Variants in CST3 observed in about 807,000 individuals in gnomAD.
The protein encoded by CST3 is cystatin C.
Under a neutral mutation model 9.0 loss-of-function variants are expected in CST3, and 14 were observed. The observed-to-expected ratio is 1.56, with a 90% CI of 1.03 to 2.44. The LOEUF is 2.44. Ranked by LOEUF, CST3 falls within the 30% of genes most tolerant of loss-of-function variation. The pLI is 0.00. For missense variants in CST3, 237 were observed against 204.3 expected, an observed-to-expected ratio of 1.16 and a Z score of -0.98; for synonymous variants, 96 against 90.2, an observed-to-expected ratio of 1.06 and a Z score of -0.37.
intron 1 of CST3, among the ~76,000 whole-genome samples, chr20:23,637,205 T>C (rs1356313858): frequency 6.6e-6 from 1 of 152,194 alleles, no homozygotes; most frequent in Non-Finnish European, 1.5e-5. Flanking sequence ...CAAAAGTGCT[T>C]AAAAATTATT....
rs1181117681 is a variant in CST3 at position 23,633,917 on chromosome 20, T to A, written c.440A>T (p.Ter147LeuextTer68). Residue 147 changes from the stop codon to leucine (L), a stop_lost, in exon 3 of 3, where the codon TAG (stop) becomes TTG (leucine). Transcript: ENST00000376925. ...CACAGGCCAGCCCGGTACAGACCCC[T>A]AGGCGTCCTGACAGGTGGATTTCGA... ...TLSKSTCQDA[*>L] 8 of 1,613,794 alleles carry A rather than the reference T, an allele frequency of 5.0e-6. No individual in the cohort carries two copies. Among genetic ancestry groups the A allele is most frequent in the Non-Finnish European group, 6.8e-6 (8 of 1,179,710 alleles).
intron 1 of CST3, among the ~76,000 whole-genome samples, chr20:23,637,331 C>T (rs1162719228): frequency 6.6e-6 from 1 of 152,244 alleles, no homozygotes; most frequent in Non-Finnish European, 1.5e-5. Flanking sequence ...CTGTGTGGGA[C>T]GTCCTGTGCC....
chr20:23,629,682 G>A (rs1490524227), downstream of CST3, among the ~76,000 whole-genome samples: 1 of 151,896 alleles, frequency 6.6e-6, no homozygotes, highest in Non-Finnish European at 1.5e-5. Flanking sequence ...GTGGACAGAT[G>A]GGGAATGCCA....
Position 23,635,299 on chromosome 20 carries a change from G to A in CST3, c.312C>T (p.Pro104=). Residue 104 remains proline, a synonymous_variant, in exon 2 of 3, where the codon CCC becomes CCT. Coordinates refer to ENST00000376925, the MANE Select transcript of CST3 (RefSeq NM_000099.4). ...CATGGAAGGGGCAGTTGTCCAAGTT[G>A]GGCTGGGTCTTGGTACACGTGGTTC... ...LGRTTCTKTQ[P]NLDNCPFHDQ... 1.9e-6 allele frequency: 3 copies of A among 1,614,104 alleles called. No individual in the cohort carries two copies. The highest frequency in any genetic ancestry group is 2.7e-5 in the African/African-American group (2 of 74,996).
intron 1 of CST3, among the ~76,000 whole-genome samples, chr20:23,636,784 G>A (rs1019016688): frequency 1.3e-5 from 2 of 152,226 alleles, no homozygotes; most frequent in Non-Finnish European, 2.9e-5. Flanking sequence ...AAGAGGCCGA[G>A]GGGACAGGAC....
Position 23,633,686 on chromosome 20 carries a change from G to T in CST3, c.*230C>A. On this transcript the variant is annotated 3_prime_UTR_variant, in exon 3 of 3. Coordinates refer to ENST00000376925, the MANE Select transcript of CST3 (RefSeq NM_000099.4). ...ATGCTACTATTTTATTGCAGGAGGT[G>T]GGGGTGTATGCACCGCACACCGGGG... is the stretch of plus-strand genomic sequence containing the variant. 1 of 625,430 alleles carries T rather than the reference G, an allele frequency of 1.6e-6. No individual in the cohort carries two copies. The highest frequency in any genetic ancestry group is 1.8e-5 in the South Asian group (1 of 54,468). 38.7% of individuals were successfully genotyped at this position (625,430 alleles called of 1,614,324 possible). A position where few individuals can be genotyped will look rare whatever the true frequency, so the allele number is the denominator to read the frequency against.
chr20:23,635,148 G>T (rs6138022), intron 2 of CST3, 106 bp downstream of exon 2: 1 of 983,700 alleles, frequency 1.0e-6, no homozygotes, highest in Non-Finnish European at 1.6e-6. Context: ...CACACACTCA[G>T]GCACATGCAC....
At chr20:23,635,217 G>T in intron 2 of CST3, 37 bp downstream of exon 2, 1 of 1,532,982 alleles carries the variant, frequency 6.5e-7, no homozygotes, top group Non-Finnish European at 9.0e-7. Flanking sequence ...CCCCTCTGCA[G>T]TGTATGACTG....
intron 1 of CST3, among the ~76,000 whole-genome samples, chr20:23,636,846 C>T (rs938973733): frequency 3.3e-5 from 5 of 152,156 alleles, no homozygotes; most frequent in African/African-American, 1.2e-4. Flanking sequence ...GCACGAAGGC[C>T]GTCAACAGAC....
At chr20:23,629,708 AG>A (rs1470733799), downstream of CST3, among the ~76,000 whole-genome samples, 33 of 146,346 alleles carry the variant, frequency 2.3e-4, no homozygotes, top group Non-Finnish European at 7.5e-5. Context: ...AAGAGCAGGC[AG>A]GGGAACAATC....
rs1445461751 is a variant in CST3 at position 23,637,886 on chromosome 20, G to A, written c.-24C>T. On this transcript the variant is annotated 5_prime_UTR_variant, in exon 1 of 3. Coordinates refer to ENST00000376925, the MANE Select transcript of CST3 (RefSeq NM_000099.4). Reference sequence around the variant, plus strand: ...ATGGTCGGCTAGGACGCGGGACGCGGGGAGTGGGGCGCAGGCGAGAGGCTG... The same window carrying A: ...ATGGTCGGCTAGGACGCGGGACGCGAGGAGTGGGGCGCAGGCGAGAGGCTG... The A allele has an allele frequency of 5.1e-6, 7 of 1,385,358 alleles. No homozygotes were observed. In the African/African-American group the frequency reaches 7.6e-5, roughly 15 times the overall value. The allele number at this position is 1,385,358 out of a possible 1,614,324, so 85.8% of individuals were successfully genotyped here.
rs765692764 is a variant in CST3 at position 23,635,365 on chromosome 20, G to A, written c.246C>T (p.Ile82=). The change falls in exon 2 of 3, where the codon ATC becomes ATT. Residue 82 remains isoleucine, a splice_region_variant and synonymous_variant. Transcript: ENST00000376925. ...ALQVVRARKQ[I]VAGVNYFLDV... is the part of the protein sequence containing the mutation. Reference sequence around the variant, plus strand: ...CCAAGAAGTAGTTCACCCCAGCTACGATCTACACATGTGAAAGAGCAGGAG... The same window carrying A: ...CCAAGAAGTAGTTCACCCCAGCTACAATCTACACATGTGAAAGAGCAGGAG... 63 of 1,611,644 alleles carry A rather than the reference G, an allele frequency of 3.9e-5. 2 individuals carry two copies. In the East Asian group the frequency reaches 1.2e-3, roughly 30 times the overall value.
At chr20:23,631,742 G>T (rs1056363830), downstream of CST3, 1 of 152,154 alleles carries the variant, frequency 6.6e-6, no homozygotes, top group African/African-American at 2.4e-5. Context: ...CCACCCCAAT[G>T]GTCACCAGCA....
At chr20:23,635,459 T>G in intron 1 of CST3, 92 bp from the exon 2 acceptor site, 1 of 1,140,788 alleles carries the variant, frequency 8.8e-7, no homozygotes, top group Non-Finnish European at 1.3e-6. Context: ...TCACTGGGCT[T>G]GCCTGGGGCT....
Position 23,637,603 on chromosome 20 carries a change from CG to C in CST3, c.243+16del. ...GGCGGGGCCGGGGCTTCGGACCCTG[CG>C]GGGGGCGGCACGCACCTGCTTGCGG... On this transcript the variant is annotated intron_variant, in intron 1 of 2. Coordinates refer to ENST00000376925, the MANE Select transcript of CST3 (RefSeq NM_000099.4). The C allele has an allele frequency of 2.0e-6, 3 of 1,506,144 alleles. No individual in the cohort carries two copies. Among genetic ancestry groups the C allele is most frequent in the African/African-American group, 1.5e-5 (1 of 68,950 alleles). 93.3% of individuals were successfully genotyped at this position (1,506,144 alleles called of 1,614,324 possible). A position where few individuals can be genotyped will look rare whatever the true frequency, so the allele number is the denominator to read the frequency against.
chr20:23,633,697 C>T lies in CST3; in HGVS notation c.*219G>A, dbSNP rs969776083. The T allele has an allele frequency of 2.9e-5, 19 of 644,956 alleles. No individual in the cohort carries two copies. The highest frequency in any genetic ancestry group is 4.1e-4 in the Middle Eastern group (1 of 2,436). The allele number at this position is 644,956 out of a possible 1,614,324, so 40.0% of individuals were successfully genotyped here. On this transcript the variant is annotated 3_prime_UTR_variant, in exon 3 of 3. Coordinates refer to ENST00000376925, the MANE Select transcript of CST3 (RefSeq NM_000099.4). The stretch of plus-strand genomic sequence containing the variant: ...TTATTGCAGGAGGTGGGGGTGTATG[C>T]ACCGCACACCGGGGCTATGAGAAGC...
chr20:23,630,757 C>A, downstream of CST3, among the ~76,000 whole-genome samples: 1 of 149,268 alleles, frequency 6.7e-6, no homozygotes, highest in Non-Finnish European at 1.5e-5. Context: ...AAATAATAAA[C>A]CACCAAGGCA....
At chr20:23,629,737 G>T (rs537094789), downstream of CST3, among the ~76,000 whole-genome samples, 26 of 95,564 alleles carry the variant, frequency 2.7e-4, no homozygotes, top group Admixed American at 9.7e-4. Flanking sequence ...TGACTGGTGG[G>T]GGGGGGAGGG....
Position 23,633,977 on chromosome 20 carries a change from A to T in CST3, c.380T>A (p.Ile127Asn). 1 of 1,614,116 alleles carries T rather than the reference A, an allele frequency of 6.2e-7. No homozygotes were observed. Among genetic ancestry groups the T allele is most frequent in the Non-Finnish European group, 8.5e-7 (1 of 1,179,994 alleles). ...LKRKAFCSFQ[I>N]YAVPWQGTMT... ...TGTGCCCTGCCAAGGCACAGCGTAG[A>T]TCTGGAAAGAGCAGAATGCTTTCTG... The change falls in exon 3 of 3, where the codon ATC becomes AAC. Residue 127 changes from isoleucine (I) to asparagine (N), a missense_variant. By Grantham distance (149) the Ile-to-Asn change is moderately radical (BLOSUM62 -3). Transcript: ENST00000376925.
Sources: gnomAD v4.1 joint callset for allele counts (sites outside exome capture counted in the v4.1 genomes callset) on GRCh38, gnomAD v4.1.1 for gene constraint, MANE v1.5 for transcripts, NCBI Gene and HGNC (gene_info 2026-07-23, HGNC 2026-07-21) for gene names.